Variants in ARHGAP12 observed in about 807,000 individuals in gnomAD.
ARHGAP12 encodes the protein Rho GTPase activating protein 12.
ARHGAP12 carries 64 observed loss-of-function variants against 108.6 expected under a neutral mutation model. That is an observed-to-expected ratio of 0.59 (90% CI 0.48 to 0.73). The LOEUF is 0.73. Among genes scored for constraint, ARHGAP12 ranks in the 30% least tolerant of loss-of-function variants. ARHGAP12 has a pLI of 0.00. For missense variants in ARHGAP12, 940 were observed against 1,005.9 expected, an observed-to-expected ratio of 0.93 and a Z score of 0.89; for synonymous variants, 312 against 337.2, an observed-to-expected ratio of 0.93 and a Z score of 0.82.
chr10:31,809,321 A>G lies in ARHGAP12; in HGVS notation c.2051-14T>C, dbSNP rs1402601813. 3.1e-6 allele frequency: 5 copies of G among 1,611,162 alleles called. No homozygotes were observed. The South Asian group carries it at 4.4e-5, about 14-fold the overall frequency. ...CAATATCCAAACCTAAGAGACAATAATAATTTGTGTGTGTGTGTGTTTAAA... is the reference window on the plus strand; with the variant it reads ...CAATATCCAAACCTAAGAGACAATAGTAATTTGTGTGTGTGTGTGTTTAAA... On this transcript the variant is annotated splice_polypyrimidine_tract_variant and intron_variant, in intron 16 of 19. Transcript: ENST00000344936.
chr10:31,869,981 C>T (rs974287385), intron 3 of ARHGAP12, among the ~76,000 whole-genome samples: 1 of 152,082 alleles, frequency 6.6e-6, no homozygotes, highest in African/African-American at 2.4e-5. Flanking sequence ...TGGGTATCTA[C>T]CTTACTAAAA....
At chr10:31,871,950 T>G (rs1208911204) in intron 3 of ARHGAP12, among the ~76,000 whole-genome samples, 1 of 152,232 alleles carries the variant, frequency 6.6e-6, no homozygotes, top group Non-Finnish European at 1.5e-5. Flanking sequence ...TCTCCTTTTC[T>G]TTCATGCCCT....
chr10:31,867,698 T>A, intron 3 of ARHGAP12, among the ~76,000 whole-genome samples: 1 of 152,108 alleles, frequency 6.6e-6, no homozygotes, highest in Non-Finnish European at 1.5e-5. Flanking sequence ...AAAAAAATAT[T>A]TTTAGACCCT....
rs1475731610 is a variant in ARHGAP12 at position 31,806,192 on chromosome 10, T to C, written c.*1466A>G. The stretch of plus-strand genomic sequence containing the variant: ...AGGTATGAAATGAGGAAAGTGTTAT[T>C]TGCCACAGGAAATATTGGATTCAGT... On this transcript the variant is annotated 3_prime_UTR_variant, in exon 20 of 20. Transcript: ENST00000344936. The C allele has an allele frequency of 3.3e-5, 5 of 152,152 alleles. No individual in the cohort carries two copies. The highest frequency in any genetic ancestry group is 1.2e-4 in the African/African-American group (5 of 41,434). The allele number at this position is 152,152 out of a possible 1,614,324, so 9.4% of individuals were successfully genotyped here. A position where few individuals can be genotyped will look rare whatever the true frequency, so the allele number is the denominator to read the frequency against.
chr10:31,852,730 T>C, intron 5 of ARHGAP12, 133 bp from the exon 6 acceptor site: 1 of 13,916 alleles, frequency 7.2e-5, no homozygotes. Context: ...CAAAAAATTC[T>C]TTTTTTTTTT....
chr10:31,925,889 CAT>C (rs1840014056), intron 1 of ARHGAP12, among the ~76,000 whole-genome samples: 1 of 152,188 alleles, frequency 6.6e-6, no homozygotes, highest in Non-Finnish European at 1.5e-5. Context: ...TAAAATATCT[CAT>C]TAATAATTTT....
intron 3 of ARHGAP12, among the ~76,000 whole-genome samples, chr10:31,878,244 ATT>A (rs1345469466): frequency 1.3e-5 from 2 of 152,194 alleles, no homozygotes. Flanking sequence ...TCACCACCCA[ATT>A]TTAACTTTTG....
rs1184921227 is a variant in ARHGAP12 at position 31,856,457 on chromosome 10, C to G, written c.949-2251G>C. 2.6e-5 allele frequency among the ~76,000 whole-genome samples: 4 copies of G among 152,108 alleles called. No individual in the cohort carries two copies. In the East Asian group the frequency reaches 7.7e-4, roughly 29 times the overall value. On this transcript the variant is annotated intron_variant, in intron 4 of 19. Transcript: ENST00000344936. Reference sequence around the variant, plus strand: ...TTATACCCACAAATTATGGGTGAACCATTAACAAATTTTGCTCCTTTATTC... The same window carrying G: ...TTATACCCACAAATTATGGGTGAACGATTAACAAATTTTGCTCCTTTATTC...
intron 1 of ARHGAP12, 148 bp downstream of exon 1, chr10:31,928,535 G>GCGCCGC (rs557487682): frequency 8.6e-5 from 13 of 151,962 alleles, no homozygotes; most frequent in East Asian, 5.8e-4. Context: ...CACCTCCGCG[G>GCGCCGC]CGCCGCCGCC....
At chr10:31,888,693 C>A (rs1157502238) in intron 3 of ARHGAP12, among the ~76,000 whole-genome samples, 1 of 151,742 alleles carries the variant, frequency 6.6e-6, no homozygotes, top group African/African-American at 2.4e-5. Flanking sequence ...CCAGCACTTA[C>A]AATTAAGAGT....
At position 31,908,580 on chromosome 10, in the gene ARHGAP12, C is replaced by T. The variant is rs1839230241; in HGVS notation, c.276G>A (p.Thr92=). The T allele has an allele frequency of 6.2e-7, 1 of 1,614,186 alleles. No individual in the cohort carries two copies. Among genetic ancestry groups the T allele is most frequent in the Non-Finnish European group, 8.5e-7 (1 of 1,180,028 alleles). Residue 92 remains threonine, a synonymous_variant, in exon 3 of 20, where the codon ACG becomes ACA. Coordinates refer to ENST00000344936, the MANE Select transcript of ARHGAP12 (RefSeq NM_018287.7). ...KQVAGLPNNS[T]KIMQSLHLQR... is the part of the protein sequence containing the mutation. ...GAAGATGCAAACTCTGCATTATTTT[C>T]GTGGAGTTATTTGGCAGACCAGCTA... is the stretch of plus-strand genomic sequence containing the variant.
At chr10:31,853,904 T>G (rs184412063) in intron 5 of ARHGAP12, among the ~76,000 whole-genome samples, 162 bp downstream of exon 5, 1 of 152,338 alleles carries the variant, frequency 6.6e-6, no homozygotes, top group Admixed American at 6.5e-5. Context: ...AAACAATCAG[T>G]AGTTACACTG....
intron 3 of ARHGAP12, among the ~76,000 whole-genome samples, chr10:31,886,254 A>G (rs1394654924): frequency 6.6e-6 from 1 of 152,264 alleles, no homozygotes; most frequent in East Asian, 1.9e-4. Flanking sequence ...GTGAAAACAC[A>G]GAACATTTTT....
At chr10:31,823,537 C>T (rs147996508) in intron 11 of ARHGAP12, among the ~76,000 whole-genome samples, 123 of 151,890 alleles carry the variant, frequency 8.1e-4, no homozygotes, top group African/African-American at 2.9e-3. Flanking sequence ...CTTTGAATAG[C>T]GTGGGTGACT....
chr10:31,922,226 T>G (rs1352070131), intron 1 of ARHGAP12, among the ~76,000 whole-genome samples: 1 of 103,404 alleles, frequency 9.7e-6, no homozygotes, highest in Admixed American at 1.0e-4. Flanking sequence ...AAAGCACAGA[T>G]CAGTAAAACT....
rs1837113336 is a variant in ARHGAP12, at chr10:31,861,494, G to A, written c.849C>T (p.Tyr283=). ...THKDSSGRCY[Y]YNRGTQERTW... The stretch of plus-strand genomic sequence containing the variant: ...TTCTTTCCTGTGTCCCTCTGTTATA[G>A]TAATAGCAACGCCCTGAGCTGTCTT... The change falls in exon 4 of 20, where the codon TAC becomes TAT. Residue 283 remains tyrosine (Y), a synonymous_variant. Transcript: ENST00000344936. 1.2e-6 allele frequency: 2 copies of A among 1,613,998 alleles called. No individual in the cohort carries two copies.
At chr10:31,892,658 A>C (rs1488368850) in intron 3 of ARHGAP12, among the ~76,000 whole-genome samples, 2 of 152,160 alleles carry the variant, frequency 1.3e-5, no homozygotes, top group Non-Finnish European at 2.9e-5. Flanking sequence ...ATAATGGGAG[A>C]CTTTAACATC....
At chr10:31,821,208 G>C (rs11008665) in intron 11 of ARHGAP12, among the ~76,000 whole-genome samples, 7,675 of 152,172 alleles carry the variant, frequency 0.05, 644 homozygotes, top group African/African-American at 0.17. Context: ...TAAAGCATCA[G>C]CAATTTAATG....
intron 3 of ARHGAP12, among the ~76,000 whole-genome samples, chr10:31,862,643 T>C (rs1454716535): frequency 3.3e-5 from 5 of 152,040 alleles, no homozygotes. Flanking sequence ...CTCTGCACTG[T>C]GGGATGTTTA....
Sources: allele counts gnomAD v4.1 joint callset (sites outside exome capture counted in the v4.1 genomes callset), GRCh38; gene constraint gnomAD v4.1.1; transcripts MANE v1.5; gene names NCBI Gene and HGNC (gene_info 2026-07-23, HGNC 2026-07-21).